The following PBX1 variants were observed in gnomAD, a reference collection of about 807,000 sequenced individuals.
PBX1 encodes pre-B-cell leukemia transcription factor 1.
PBX1 carries 6 observed loss-of-function variants against 53.4 expected under a neutral mutation model. That is an observed-to-expected ratio of 0.11 (90% CI 0.06 to 0.22). The LOEUF (loss-of-function observed/expected upper bound fraction) is 0.22, where lower values mean the gene tolerates loss of function less well. Ranked by LOEUF, PBX1 falls within the 10% of genes least tolerant of loss-of-function variation. The pLI is 1.00. For synonymous variants in PBX1, 204 were observed against 212.3 expected (o/e 0.96, Z 0.34); for missense variants, 251 against 551.4 (o/e 0.46, Z 5.46).
chr1:164,786,720 T>G (rs61802576), intron 2 of PBX1, among the ~76,000 whole-genome samples: 2 of 116,296 alleles, frequency 1.7e-5, no homozygotes, highest in Non-Finnish European at 1.8e-5. Context: ...TGTGTGTGTG[T>G]GCGCGCGCAC....
intron 2 of PBX1, among the ~76,000 whole-genome samples, chr1:164,759,741 C>G (rs1351478867): frequency 1.3e-5 from 2 of 152,158 alleles, no homozygotes; most frequent in African/African-American, 4.8e-5. Flanking sequence ...AGAGCTGGAA[C>G]TGGGAGACAC....
Position 164,848,808 on chromosome 1 carries a change from C to G in PBX1, c.*2132C>G. On this transcript the variant is annotated 3_prime_UTR_variant, in exon 9 of 9. Coordinates refer to ENST00000420696, the MANE Select transcript of PBX1 (RefSeq NM_002585.4). ...AAGAACATGGAAATTCTGCTTGGCACTACAGTCATAAATAGAAAACACTGT... is the reference window on the plus strand; with the variant it reads ...AAGAACATGGAAATTCTGCTTGGCAGTACAGTCATAAATAGAAAACACTGT... 9.4e-7 allele frequency: 1 copy of G among 1,062,882 alleles called. No homozygotes were observed. The allele number at this position is 1,062,882 out of a possible 1,614,324, so 65.8% of individuals were successfully genotyped here.
At chr1:164,810,802 G>A (rs1329861735) in intron 5 of PBX1, among the ~76,000 whole-genome samples, 1 of 151,992 alleles carries the variant, frequency 6.6e-6, no homozygotes, top group African/African-American at 2.4e-5. Context: ...AATAAATAAA[G>A]CATTTTCTTA....
At chr1:164,723,823 C>T (rs1664535699) in intron 2 of PBX1, among the ~76,000 whole-genome samples, 1 of 152,138 alleles carries the variant, frequency 6.6e-6, no homozygotes, top group Non-Finnish European at 1.5e-5. Flanking sequence ...GCTGCCGAGT[C>T]AGAATCAAAT....
At chr1:164,882,600 A>C (rs115348435) in intron 2 of PBX1, among the ~76,000 whole-genome samples, 14 of 152,100 alleles carry the variant, frequency 9.2e-5, no homozygotes, top group Admixed American at 9.2e-4. Flanking sequence ...TTAATATTCT[A>C]TATTCTTTTT....
At chr1:164,813,385 AG>A (rs1417476272) in intron 6 of PBX1, 1 of 152,258 alleles carries the variant, frequency 6.6e-6, no homozygotes, top group East Asian at 1.9e-4. Flanking sequence ...CCAGCACTGC[AG>A]GTTAGATTCC....
chr1:164,878,260 T>C (rs942343194), intron 2 of PBX1, among the ~76,000 whole-genome samples: 2 of 152,174 alleles, frequency 1.3e-5, no homozygotes, highest in Non-Finnish European at 2.9e-5. Context: ...GAGGATTAGA[T>C]GAGATAATAT....
chr1:164,654,428 T>C (rs1407477615), intron 2 of PBX1, among the ~76,000 whole-genome samples: 1 of 152,246 alleles, frequency 6.6e-6, no homozygotes, highest in Non-Finnish European at 1.5e-5. Flanking sequence ...CTATGTCGTG[T>C]GATTATCTCA....
intron 8 of PBX1, among the ~76,000 whole-genome samples, chr1:164,830,251 C>A (rs1179111633): frequency 6.6e-6 from 1 of 152,008 alleles, no homozygotes; most frequent in African/African-American, 2.4e-5. Flanking sequence ...AAAGCATTAG[C>A]AGAATAAAAT....
intron 2 of PBX1, among the ~76,000 whole-genome samples, chr1:164,632,101 C>T (rs944810076): frequency 3.9e-5 from 6 of 152,186 alleles, no homozygotes; most frequent in African/African-American, 1.4e-4. Flanking sequence ...ATTCCCTTCA[C>T]ACCACCCCCT....
chr1:164,854,107 T>C (rs1017813307), downstream of PBX1: 2 of 151,992 alleles, frequency 1.3e-5, no homozygotes, highest in Non-Finnish European at 2.9e-5. Context: ...GGTCTCACCA[T>C]GTTGGCCAGG....
intron 2 of PBX1, among the ~76,000 whole-genome samples, chr1:164,740,271 C>G (rs1010410332): frequency 6.6e-6 from 1 of 151,868 alleles, no homozygotes; most frequent in African/African-American, 2.4e-5. Flanking sequence ...TGATGTGCAA[C>G]AAACCATACT....
At chr1:164,819,316 TTATTATTAC>T (rs550564311) in intron 6 of PBX1, 2 of 152,022 alleles carry the variant, frequency 1.3e-5, no homozygotes, top group East Asian at 3.9e-4. Flanking sequence ...CCACTTATTA[TTATTATTAC>T]TATTATTATT....
At chr1:164,577,195 T>C (rs1256706995) in intron 2 of PBX1, among the ~76,000 whole-genome samples, 1 of 152,050 alleles carries the variant, frequency 6.6e-6, no homozygotes, top group Non-Finnish European at 1.5e-5. Context: ...TTACAGGGAG[T>C]GCGTCATCTT....
chr1:164,632,461 A>G (rs888026410), intron 2 of PBX1, among the ~76,000 whole-genome samples: 6 of 152,200 alleles, frequency 3.9e-5, no homozygotes, highest in Admixed American at 2.0e-4. Context: ...CCTTAGGTTC[A>G]CAGCACAGCC....
chr1:164,723,528 C>A (rs144679824), intron 2 of PBX1, among the ~76,000 whole-genome samples: 4 of 152,078 alleles, frequency 2.6e-5, no homozygotes, highest in Non-Finnish European at 5.9e-5. Context: ...ATATACAAAC[C>A]CTCAGTCATG....
chr1:164,723,541 A>G (rs1571289538), intron 2 of PBX1, among the ~76,000 whole-genome samples: 1 of 152,156 alleles, frequency 6.6e-6, no homozygotes, highest in East Asian at 1.9e-4. Context: ...CAGTCATGCC[A>G]TCTGACCATC....
chr1:164,651,252 T>G (rs1352169570), intron 2 of PBX1, among the ~76,000 whole-genome samples: 1 of 147,840 alleles, frequency 6.8e-6, no homozygotes, highest in African/African-American at 2.7e-5. Flanking sequence ...TGGTGGAGGC[T>G]GTGCAGGGGA....
At chr1:164,629,062 G>C (rs1658235036) in intron 2 of PBX1, among the ~76,000 whole-genome samples, 1 of 151,980 alleles carries the variant, frequency 6.6e-6, no homozygotes, top group Admixed American at 6.6e-5. Flanking sequence ...CACTCAGCTG[G>C]GGCCAGTGCT....
Sources: allele counts gnomAD v4.1 joint callset (sites outside exome capture counted in the v4.1 genomes callset), GRCh38; gene constraint gnomAD v4.1.1; transcripts MANE v1.5; gene names NCBI Gene and HGNC (gene_info 2026-07-23, HGNC 2026-07-21).